Variants in ASB4 observed in about 807,000 individuals in gnomAD.
The protein encoded by ASB4 is ankyrin repeat and SOCS box containing 4.
A neutral mutation model predicts 38.6 loss-of-function variants in ASB4; 35 were observed. That is an observed-to-expected ratio of 0.91 (90% CI 0.69 to 1.20). The LOEUF (loss-of-function observed/expected upper bound fraction) is 1.20. Ranked by LOEUF, ASB4 falls within the 50% of genes most tolerant of loss-of-function variation. ASB4 has a pLI of 0.00. For missense variants in ASB4, 557 were observed against 527.2 expected (o/e 1.06, Z -0.55); for synonymous variants, 195 against 201.3 (o/e 0.97, Z 0.26).
upstream of ASB4, among the ~76,000 whole-genome samples, chr7:95,476,931 A>C (rs1343031387): frequency 6.6e-6 from 1 of 152,266 alleles, no homozygotes; most frequent in African/African-American, 2.4e-5. Context: ...TATTTGTTAG[A>C]TACATATTGA....
intron 2 of ASB4, among the ~76,000 whole-genome samples, chr7:95,523,960 A>C (rs960059880): frequency 2.0e-5 from 3 of 152,252 alleles, no homozygotes; most frequent in Non-Finnish European, 4.4e-5. Context: ...TGCAACCAAG[A>C]AATTGGCTAA....
chr7:95,534,152 C>T (rs1161275106), intron 3 of ASB4, among the ~76,000 whole-genome samples: 2 of 152,146 alleles, frequency 1.3e-5, no homozygotes, highest in South Asian at 4.1e-4. Context: ...CAACACCAGC[C>T]TTACCAACAT....
chr7:95,536,634 A>T (rs1184292823), intron 4 of ASB4, 84 bp downstream of exon 4: 6 of 1,043,952 alleles, frequency 5.7e-6, no homozygotes, highest in Non-Finnish European at 8.3e-6. Flanking sequence ...GTAACAAAAA[A>T]GTTGGTTTTG....
At chr7:95,495,492 A>G (rs896025380) in intron 1 of ASB4, among the ~76,000 whole-genome samples, 24 of 152,248 alleles carry the variant, frequency 1.6e-4, no homozygotes, top group Admixed American at 1.6e-3. Context: ...GGTAAAGTAA[A>G]TAAAGGAACA....
chr7:95,500,344 A>G (rs1790317333), intron 2 of ASB4, among the ~76,000 whole-genome samples: 1 of 151,914 alleles, frequency 6.6e-6, no homozygotes, highest in Non-Finnish European at 1.5e-5. Flanking sequence ...AGGCAGGAGG[A>G]CCTTTTGAGG....
intron 1 of ASB4, among the ~76,000 whole-genome samples, chr7:95,492,830 G>A (rs1790191105): frequency 6.6e-6 from 1 of 152,142 alleles, no homozygotes; most frequent in Non-Finnish European, 1.5e-5. Context: ...GCTTTTTGAG[G>A]AAATTTGAGT....
At chr7:95,521,880 T>C (rs753190984) in intron 2 of ASB4, among the ~76,000 whole-genome samples, 1 of 151,974 alleles carries the variant, frequency 6.6e-6, no homozygotes, top group Non-Finnish European at 1.5e-5. Context: ...GAACAGTAGT[T>C]ACCTCTGTGG....
upstream of ASB4, among the ~76,000 whole-genome samples, chr7:95,481,383 G>A (rs1260014347): frequency 6.6e-6 from 1 of 152,040 alleles, no homozygotes; most frequent in African/African-American, 2.4e-5. Context: ...ACAAGATGAC[G>A]TGTAATAAGT....
rs751022766 is a variant in ASB4 at position 95,496,015 on chromosome 7, A to G, written c.445A>G (p.Thr149Ala). 3.5e-5 allele frequency: 56 copies of G among 1,613,122 alleles called. No individual in the cohort carries two copies. Among genetic ancestry groups the G allele is most frequent in the Admixed American group, 6.7e-5 (4 of 59,952 alleles). Residue 149 changes from threonine to alanine, a missense_variant, in exon 2 of 5, where the codon ACT (threonine) becomes GCT (alanine). By Grantham distance (58) the Thr-to-Ala change is moderately conservative. Transcript: ENST00000325885. The part of the protein sequence containing the change: ...SGHTALHFCT[T>A]PSSILCAKQL... ...ACACACAGCTTTGCACTTTTGTACA[A>G]CTCCAAGTTCCATTCTCTGTGCCAA...
chr7:95,544,443 C>G, downstream of ASB4: 1 of 152,190 alleles, frequency 6.6e-6, no homozygotes, highest in South Asian at 2.1e-4. Context: ...TAAGCAACAT[C>G]TGGTTAATTC....
the ASB4 span, among the ~76,000 whole-genome samples, chr7:95,549,673 T>C: frequency 3.3e-5 from 5 of 152,182 alleles, no homozygotes; most frequent in East Asian, 9.6e-4. Flanking sequence ...AGTCTGTTTT[T>C]AAGATACTCT....
upstream of ASB4, among the ~76,000 whole-genome samples, chr7:95,481,790 T>C (rs1272827455): frequency 6.6e-6 from 1 of 152,204 alleles, no homozygotes; most frequent in Non-Finnish European, 1.5e-5. Context: ...TGCCACATCA[T>C]TGCCTTGTCA....
Position 95,495,808 on chromosome 7 carries a change from C to T in ASB4, c.238C>T (p.His80Tyr), listed in dbSNP as rs778508330. 4.3e-6 allele frequency: 7 copies of T among 1,613,052 alleles called. No homozygotes were observed. Among genetic ancestry groups the T allele is most frequent in the Non-Finnish European group, 5.9e-6 (7 of 1,179,878 alleles). ...KLKSSWATGL[H>Y]LSVLFGHVEC... ...GAAGTCTTCCTGGGCCACAGGCCTC[C>T]ATCTCTCTGTCTTGTTTGGCCATGT... The change falls in exon 2 of 5, where the codon CAT becomes TAT. Residue 80 changes from histidine (H) to tyrosine (Y), a missense_variant. Physicochemically the swap from His to Tyr is moderately conservative, Grantham distance 83. Transcript: ENST00000325885.
At chr7:95,485,895 AC>A, upstream of ASB4, 1 of 1,296,834 alleles carries the variant, frequency 7.7e-7, no homozygotes, top group South Asian at 1.5e-5. Context: ...CAGTTTGTGG[AC>A]TCTCCAGCAT....
At chr7:95,474,567 G>A (rs1346682199), upstream of ASB4, among the ~76,000 whole-genome samples, 1 of 152,120 alleles carries the variant, frequency 6.6e-6, no homozygotes, top group African/African-American at 2.4e-5. Context: ...TGTCATCCAG[G>A]CTGGAGTGCA....
rs145261733 is a variant in ASB4 at position 95,515,090 on chromosome 7, G to T, written c.488-12723G>T. ...TAGCAGGGAATCTTGTTTCTTCAAGGTACTCCTTCCTCATATGAATTCCCA... is the reference window on the plus strand; with the variant it reads ...TAGCAGGGAATCTTGTTTCTTCAAGTTACTCCTTCCTCATATGAATTCCCA... On this transcript the variant is annotated intron_variant, in intron 2 of 4. Coordinates refer to ENST00000325885, the MANE Select transcript of ASB4 (RefSeq NM_016116.3). Among the ~76,000 whole-genome samples the T allele has an allele frequency of 1.8e-3, 281 of 152,146 alleles. 1 individual carries two copies. The highest frequency in any genetic ancestry group is 3.4e-3 in the Middle Eastern group (1 of 294).
At chr7:95,472,537 G>T in the ASB4 span, among the ~76,000 whole-genome samples, 1 of 152,142 alleles carries the variant, frequency 6.6e-6, no homozygotes, top group African/African-American at 2.4e-5. Context: ...CTATAAATCT[G>T]CAGTTGCCTG....
chr7:95,550,801 C>T, the ASB4 span, among the ~76,000 whole-genome samples: 5 of 152,278 alleles, frequency 3.3e-5, no homozygotes, highest in African/African-American at 1.2e-4. Context: ...GCAAAGGTTA[C>T]TTGAAATTCA....
chr7:95,480,778 A>G (rs531368679), intron 1 of ASB4, among the ~76,000 whole-genome samples: 2 of 152,344 alleles, frequency 1.3e-5, no homozygotes, highest in South Asian at 2.1e-4. Flanking sequence ...ACCATGAGAG[A>G]TAATAAATGA....
Sources: allele counts gnomAD v4.1 joint callset (sites outside exome capture counted in the v4.1 genomes callset), GRCh38; gene constraint gnomAD v4.1.1; transcripts MANE v1.5; gene names NCBI Gene and HGNC (gene_info 2026-07-23, HGNC 2026-07-21).